CPA6: variants seen among roughly 807,000 people sequenced by gnomAD.
CPA6 encodes the protein carboxypeptidase A6.
A neutral mutation model predicts 63.3 loss-of-function variants in CPA6; 58 were observed. The ratio of observed to expected loss-of-function variants is 0.92; its 90% confidence interval spans 0.74 to 1.14. CPA6 has a LOEUF of 1.14. CPA6 is among the 50% of genes most tolerant of loss of function. The pLI, the probability that CPA6 is intolerant of heterozygous loss-of-function variation, is 0.00. For synonymous variants in CPA6, 185 were observed against 179.0 expected (o/e 1.03, Z -0.27); for missense variants, 565 against 526.6 (o/e 1.07, Z -0.71).
At chr8:67,501,890 T>G (rs1336575282) in intron 6 of CPA6, among the ~76,000 whole-genome samples, 1 of 152,208 alleles carries the variant, frequency 6.6e-6, no homozygotes, top group African/African-American at 2.4e-5. Flanking sequence ...TTTGGGGAAT[T>G]TAAAAATCAT....
intron 2 of CPA6, among the ~76,000 whole-genome samples, chr8:67,605,212 C>T (rs1484836232): frequency 1.3e-5 from 2 of 152,080 alleles, no homozygotes; most frequent in Non-Finnish European, 2.9e-5. Flanking sequence ...CAATGCCCAA[C>T]ATAGAGTATT....
intron 1 of CPA6, among the ~76,000 whole-genome samples, chr8:67,696,402 T>A (rs1816913289): frequency 6.6e-6 from 1 of 152,160 alleles, no homozygotes; most frequent in Non-Finnish European, 1.5e-5. Context: ...CAATATCAAG[T>A]GTTGCAAGGT....
chr8:67,687,796 G>T (rs776015369), intron 1 of CPA6, among the ~76,000 whole-genome samples: 1 of 152,096 alleles, frequency 6.6e-6, no homozygotes, highest in South Asian at 2.1e-4. Flanking sequence ...GATAGCAGCC[G>T]TCTCTATAGG....
At chr8:67,475,781 C>A (rs1330783521) in intron 8 of CPA6, among the ~76,000 whole-genome samples, 2 of 56,718 alleles carry the variant, frequency 3.5e-5, no homozygotes, top group African/African-American at 2.4e-4. Context: ...TTCTTTCTTT[C>A]TTTCTTTCTT....
At chr8:67,726,550 T>C (rs112140585) in intron 1 of CPA6, among the ~76,000 whole-genome samples, 7 of 152,210 alleles carry the variant, frequency 4.6e-5, no homozygotes, top group African/African-American at 1.7e-4. Flanking sequence ...ATACATGTTA[T>C]AGGGGAATAC....
intron 1 of CPA6, among the ~76,000 whole-genome samples, chr8:67,631,142 C>T (rs1178053014): frequency 1.1e-4 from 17 of 152,206 alleles, no homozygotes; most frequent in Admixed American, 6.5e-4. Flanking sequence ...CACCCGTGGC[C>T]CCGGTGTGGG....
intron 1 of CPA6, chr8:67,735,408 A>C (rs1361414644): frequency 6.6e-6 from 1 of 152,276 alleles, no homozygotes; most frequent in East Asian, 1.9e-4. Context: ...ATGGATGAGG[A>C]GATGGCACCT....
intron 1 of CPA6, among the ~76,000 whole-genome samples, chr8:67,733,315 G>T (rs1306991499): frequency 6.6e-6 from 1 of 151,564 alleles, no homozygotes; most frequent in Non-Finnish European, 1.5e-5. Flanking sequence ...AGGGGGAGGT[G>T]GCCTGATAAT....
At chr8:67,668,374 G>GTTAGTTACACACACAGGCTCA (rs1554531816) in intron 1 of CPA6, among the ~76,000 whole-genome samples, 1 of 152,142 alleles carries the variant, frequency 6.6e-6, no homozygotes, top group Non-Finnish European at 1.5e-5. Flanking sequence ...CTCATCTGTT[G>GTTAGTTACACACACAGGCTCA]TCCGTTAGTT....
At chr8:67,694,205 G>A (rs1319629377) in intron 1 of CPA6, among the ~76,000 whole-genome samples, 1 of 152,084 alleles carries the variant, frequency 6.6e-6, no homozygotes, top group Admixed American at 6.5e-5. Flanking sequence ...ACTGTGTGAT[G>A]CAGCAGATCC....
intron 2 of CPA6, among the ~76,000 whole-genome samples, chr8:67,527,478 T>C (rs543349295): frequency 1.6e-4 from 25 of 152,322 alleles, no homozygotes; most frequent in African/African-American, 5.5e-4. Context: ...TAAATGTTGA[T>C]ATGTCACATC....
rs770433020 is a variant in CPA6 at position 67,434,020 on chromosome 8, A to C, written c.1041+18T>G. The stretch of plus-strand genomic sequence containing the variant: ...GCAGCATGAAGCCTGATGTACATGC[A>C]CAGGGTCAAATACTTACCACACATC... On this transcript the variant is annotated intron_variant, in intron 9 of 10. Transcript: ENST00000297770. 8.2e-6 allele frequency: 13 copies of C among 1,581,776 alleles called. 1 individual carries two copies. The highest frequency in any genetic ancestry group is 1.1e-5 in the Non-Finnish European group (13 of 1,152,268).
At chr8:67,685,054 C>T (rs1343868805) in intron 1 of CPA6, among the ~76,000 whole-genome samples, 1 of 152,112 alleles carries the variant, frequency 6.6e-6, no homozygotes, top group Non-Finnish European at 1.5e-5. Flanking sequence ...TTGCAGTAGT[C>T]CCTATACCTA....
intron 8 of CPA6, among the ~76,000 whole-genome samples, chr8:67,451,919 C>T (rs1221320150): frequency 6.6e-6 from 1 of 152,188 alleles, no homozygotes; most frequent in Non-Finnish European, 1.5e-5. Flanking sequence ...AAATGAGATA[C>T]TTAAACAATC....
intron 6 of CPA6, 101 bp from the exon 7 acceptor site, chr8:67,484,890 G>T: frequency 1.8e-6 from 1 of 569,100 alleles, no homozygotes; most frequent in Non-Finnish European, 3.1e-6. Context: ...CAAATACGGT[G>T]GTTTAAAAAG....
intron 2 of CPA6, among the ~76,000 whole-genome samples, chr8:67,546,526 C>T (rs1256788622): frequency 1.3e-5 from 2 of 152,176 alleles, no homozygotes; most frequent in Admixed American, 1.3e-4. Context: ...ATGGCACTTT[C>T]AACATCGCAT....
intron 2 of CPA6, among the ~76,000 whole-genome samples, chr8:67,608,202 A>C (rs1198078229): frequency 6.6e-6 from 1 of 152,212 alleles, no homozygotes; most frequent in Non-Finnish European, 1.5e-5. Context: ...CTCTACCCTC[A>C]AGCCTGGACC....
intron 9 of CPA6, chr8:67,429,712 A>G (rs1426161095): frequency 1.3e-5 from 2 of 152,218 alleles, no homozygotes; most frequent in Non-Finnish European, 2.9e-5. Flanking sequence ...GCAATATTCC[A>G]TGGCAAGGGC....
intron 2 of CPA6, among the ~76,000 whole-genome samples, chr8:67,551,764 T>G (rs1812943741): frequency 6.6e-6 from 1 of 152,206 alleles, no homozygotes; most frequent in African/African-American, 2.4e-5. Context: ...TTTCTAGGTA[T>G]TTTATTTTTT....
Sources: allele counts gnomAD v4.1 joint callset (sites outside exome capture counted in the v4.1 genomes callset), GRCh38; gene constraint gnomAD v4.1.1; transcripts MANE v1.5; gene names NCBI Gene and HGNC (gene_info 2026-07-23, HGNC 2026-07-21).